The following BTBD9 variants were observed in gnomAD, a reference collection of about 807,000 sequenced individuals.
BTBD9 encodes BTB/POZ domain-containing protein 9.
Under a neutral mutation model 64.3 loss-of-function variants are expected in BTBD9, and 49 were observed. That is an observed-to-expected ratio of 0.76 (90% CI 0.61 to 0.97). The LOEUF (loss-of-function observed/expected upper bound fraction) is 0.97, where lower values mean the gene tolerates loss of function less well. Among genes scored for constraint, BTBD9 ranks in the 50% least tolerant of loss-of-function variants. The pLI, the probability that BTBD9 is intolerant of heterozygous loss-of-function variation, is 0.00. For synonymous variants in BTBD9, 260 were observed against 274.7 expected (o/e 0.95, Z 0.53); for missense variants, 598 against 762.1 (o/e 0.78, Z 2.53).
intron 8 of BTBD9, among the ~76,000 whole-genome samples, chr6:38,258,049 G>A (rs764212185): frequency 5.3e-5 from 8 of 151,784 alleles, no homozygotes; most frequent in East Asian, 1.9e-4. Context: ...GTAATGGCGC[G>A]ATCTCGGCTC....
intron 6 of BTBD9, among the ~76,000 whole-genome samples, chr6:38,439,254 G>C (rs1370186931): frequency 6.6e-6 from 1 of 151,334 alleles, no homozygotes; most frequent in Non-Finnish European, 1.5e-5. Context: ...CTCCCAAGTA[G>C]CTGGGATTAC....
intron 7 of BTBD9, among the ~76,000 whole-genome samples, chr6:38,328,872 G>A (rs1204632928): frequency 6.6e-6 from 1 of 151,602 alleles, no homozygotes; most frequent in Non-Finnish European, 1.5e-5. Flanking sequence ...GCGTGAACCC[G>A]GGAGGTGGAG....
At chr6:38,576,832 C>T (rs1250498601) in intron 6 of BTBD9, among the ~76,000 whole-genome samples, 2 of 152,006 alleles carry the variant, frequency 1.3e-5, no homozygotes, top group Non-Finnish European at 2.9e-5. Flanking sequence ...ATTTTGGGGG[C>T]CTTTAACCAC....
At chr6:38,546,178 C>T (rs1471137795) in intron 6 of BTBD9, among the ~76,000 whole-genome samples, 1 of 152,136 alleles carries the variant, frequency 6.6e-6, no homozygotes, top group Non-Finnish European at 1.5e-5. Context: ...TAGGCCTTGC[C>T]CCTTCCTGTT....
chr6:38,300,283 A>C (rs998594557), intron 7 of BTBD9, among the ~76,000 whole-genome samples: 13 of 152,182 alleles, frequency 8.5e-5, no homozygotes, highest in African/African-American at 3.1e-4. Context: ...GTTTGAAGTC[A>C]GGTAGCGTGA....
chr6:38,524,083 G>T (rs1160877308), intron 6 of BTBD9, among the ~76,000 whole-genome samples: 1 of 151,994 alleles, frequency 6.6e-6, no homozygotes, highest in African/African-American at 2.4e-5. Flanking sequence ...AGCAGAGGGT[G>T]AACTTTTAAT....
chr6:38,513,042 T>TA (rs1036896638), intron 6 of BTBD9, among the ~76,000 whole-genome samples: 2 of 152,192 alleles, frequency 1.3e-5, no homozygotes, highest in African/African-American at 2.4e-5. Context: ...AAGGAGTTCT[T>TA]AGTGCCCGAC....
intron 6 of BTBD9, among the ~76,000 whole-genome samples, chr6:38,512,289 A>C (rs1268871220): frequency 6.6e-6 from 1 of 152,196 alleles, no homozygotes; most frequent in Non-Finnish European, 1.5e-5. Flanking sequence ...ATGTTTTAAA[A>C]AAGGAAAGGG....
At chr6:38,589,472 G>A (rs925380901) in intron 4 of BTBD9, among the ~76,000 whole-genome samples, 4 of 152,166 alleles carry the variant, frequency 2.6e-5, no homozygotes, top group Non-Finnish European at 4.4e-5. Flanking sequence ...ATGATAATTT[G>A]AAAAGCCTAA....
At chr6:38,279,531 A>G (rs1761422024) in intron 8 of BTBD9, among the ~76,000 whole-genome samples, 1 of 152,124 alleles carries the variant, frequency 6.6e-6, no homozygotes, top group African/African-American at 2.4e-5. Context: ...AAGCAATTTG[A>G]TGTATTAAAT....
chr6:38,522,106 G>A (rs983368286), intron 6 of BTBD9, among the ~76,000 whole-genome samples: 3 of 152,022 alleles, frequency 2.0e-5, no homozygotes, highest in African/African-American at 4.8e-5. Flanking sequence ...AGCTAAGCTC[G>A]CAGGCTCCGT....
chr6:38,191,024 C>T (rs1160069544), intron 10 of BTBD9, among the ~76,000 whole-genome samples: 6 of 152,120 alleles, frequency 3.9e-5, no homozygotes, highest in African/African-American at 7.2e-5. Flanking sequence ...ACAGTTAATT[C>T]GATTTCAATA....
At chr6:38,307,402 C>T (rs1378429342) in intron 7 of BTBD9, among the ~76,000 whole-genome samples, 2 of 152,156 alleles carry the variant, frequency 1.3e-5, no homozygotes, top group Non-Finnish European at 2.9e-5. Flanking sequence ...ATTACATCAC[C>T]AAAGAAAAAC....
At chr6:38,469,404 C>T (rs538339496) in intron 6 of BTBD9, among the ~76,000 whole-genome samples, 54 of 151,592 alleles carry the variant, frequency 3.6e-4, no homozygotes, top group African/African-American at 1.1e-3. Context: ...CTGCAACCTC[C>T]GCCTCCTGGG....
At chr6:38,548,179 C>T (rs1774640020) in intron 6 of BTBD9, among the ~76,000 whole-genome samples, 1 of 152,130 alleles carries the variant, frequency 6.6e-6, no homozygotes, top group Admixed American at 6.5e-5. Context: ...ACATCAAAAA[C>T]ATTTATATGT....
At chr6:38,251,577 T>A (rs1764404408) in intron 9 of BTBD9, among the ~76,000 whole-genome samples, 1 of 152,102 alleles carries the variant, frequency 6.6e-6, no homozygotes, top group Non-Finnish European at 1.5e-5. Flanking sequence ...CTTTCTACCA[T>A]TTTTTTAGTT....
chr6:38,243,232 T>C (rs1213690792), intron 9 of BTBD9, among the ~76,000 whole-genome samples: 1 of 152,160 alleles, frequency 6.6e-6, no homozygotes, highest in Non-Finnish European at 1.5e-5. Context: ...CAGAGAGATA[T>C]GGTAATTTTA....
intron 9 of BTBD9, among the ~76,000 whole-genome samples, chr6:38,231,758 C>T (rs766807639): frequency 2.0e-5 from 3 of 152,228 alleles, no homozygotes; most frequent in Admixed American, 6.5e-5. Flanking sequence ...GTGGCCTAGC[C>T]GCATGGGAGA....
At chr6:38,631,113 A>G (rs1284158532) in intron 1 of BTBD9, among the ~76,000 whole-genome samples, 1 of 152,244 alleles carries the variant, frequency 6.6e-6, no homozygotes, top group African/African-American at 2.4e-5. Flanking sequence ...AAAAATGAAA[A>G]CATTCTGGCT....
Sources: gnomAD v4.1 joint callset for allele counts (sites outside exome capture counted in the v4.1 genomes callset) on GRCh38, gnomAD v4.1.1 for gene constraint, MANE v1.5 for transcripts, NCBI Gene and HGNC (gene_info 2026-07-23, HGNC 2026-07-21) for gene names.